Variants in C6orf132 observed in about 807,000 individuals in gnomAD.
C6orf132 encodes chromosome 6 open reading frame 132, also known as uncharacterized protein C6orf132.
Under a neutral mutation model 65.3 loss-of-function variants are expected in C6orf132, and 43 were observed. That is an observed-to-expected ratio of 0.66 (90% CI 0.52 to 0.85). The LOEUF is 0.85. C6orf132 is among the 40% of genes least tolerant of loss of function. The pLI is 0.00. For synonymous variants in C6orf132, 631 were observed against 654.1 expected, an observed-to-expected ratio of 0.96 and a Z score of 0.54; for missense variants, 1,488 against 1,548.8, an observed-to-expected ratio of 0.96 and a Z score of 0.66.
In C6orf132 at chr6:42,105,159, G is replaced by A. The variant is rs1766373414; in HGVS notation, c.2753C>T (p.Pro918Leu). 5 of 1,536,938 alleles carry A rather than the reference G, an allele frequency of 3.3e-6. No individual in the cohort carries two copies. The highest frequency in any genetic ancestry group is 2.0e-5 in the Admixed American group (1 of 50,968). The change falls in exon 4 of 5, where the codon CCG (proline) becomes CTG (leucine). Residue 918 changes from proline to leucine, a missense_variant. Transcript: ENST00000341865. ...LTTEIPNKWG[P>L]RLGRDAEGTE... ...GCCCTCTGCGTCTCTTCCCAGCCGC[G>A]GCCCCCACTTATTGGGTATTTCGGT... is the stretch of plus-strand genomic sequence containing the variant.
At chr6:42,126,047 T>C (rs1376628368) in intron 2 of C6orf132, among the ~76,000 whole-genome samples, 1 of 152,228 alleles carries the variant, frequency 6.6e-6, no homozygotes, top group Non-Finnish European at 1.5e-5. Context: ...CAACATCCGT[T>C]TCTACTGTGT....
In C6orf132 at chr6:42,105,158, C is replaced by T. The variant is rs1055987854; in HGVS notation, c.2754G>A (p.Pro918=). Residue 918 remains proline, a synonymous_variant, in exon 4 of 5, where the codon CCG becomes CCA. Transcript: ENST00000341865. Reference sequence around the variant, plus strand: ...TGCCCTCTGCGTCTCTTCCCAGCCGCGGCCCCCACTTATTGGGTATTTCGG... The same window carrying T: ...TGCCCTCTGCGTCTCTTCCCAGCCGTGGCCCCCACTTATTGGGTATTTCGG... ...LTTEIPNKWG[P]RLGRDAEGTE... is the part of the protein sequence containing the mutation. 15 of 1,537,092 alleles carry T rather than the reference C, an allele frequency of 9.8e-6. No individual in the cohort carries two copies. Among genetic ancestry groups the T allele is most frequent in the Middle Eastern group, 3.3e-4 (2 of 5,990 alleles).
At chr6:42,134,855 G>A (rs1288368551) in intron 1 of C6orf132, among the ~76,000 whole-genome samples, 1 of 151,762 alleles carries the variant, frequency 6.6e-6, no homozygotes, top group African/African-American at 2.4e-5. Context: ...AGCCAGGCGT[G>A]GTGGTGGGCG....
chr6:42,104,677 G>A lies in C6orf132; in HGVS notation c.3235C>T (p.His1079Tyr), dbSNP rs1582266823. The stretch of plus-strand genomic sequence containing the variant: ...CTCAGGCTGCGGCCGGTGCCACCGT[G>A]GGGTAGCCCTGGGCCTCGGTGCGGC... ...GEPHRGPGLP[H>Y]GGTGRSLSSP... The change falls in exon 4 of 5, where the codon CAC becomes TAC. Residue 1079 changes from histidine (H) to tyrosine (Y), a missense_variant. Physicochemically the swap from His to Tyr is moderately conservative, Grantham distance 83. Coordinates refer to ENST00000341865, the MANE Select transcript of C6orf132 (RefSeq NM_001164446.3). The surrounding 1 kb of genome is among the most constrained non-coding windows in gnomAD (Gnocchi z 4.1). 3.3e-6 allele frequency: 5 copies of A among 1,505,876 alleles called. No individual in the cohort carries two copies. In the African/African-American group the frequency reaches 5.7e-5, roughly 17 times the overall value. 93.3% of individuals were successfully genotyped at this position (1,505,876 alleles called of 1,614,324 possible). A position where few individuals can be genotyped will look rare whatever the true frequency, so the allele number is the denominator to read the frequency against.
chr6:42,128,857 C>G (rs1439942818), intron 1 of C6orf132, 79 bp from the exon 2 acceptor site: 5 of 1,055,058 alleles, frequency 4.7e-6, no homozygotes, highest in African/African-American at 4.7e-5. Context: ...TGCCCTTCAG[C>G]TCCCAGTGAG....
intron 1 of C6orf132, among the ~76,000 whole-genome samples, chr6:42,140,585 C>A (rs1295760576): frequency 2.6e-5 from 4 of 152,166 alleles, no homozygotes; most frequent in African/African-American, 7.2e-5. Context: ...GTTCTAAAAC[C>A]AGATGGTGGT....
Position 42,105,170 on chromosome 6 carries a change from A to C in C6orf132, c.2742T>G (p.Asn914Lys). The C allele has an allele frequency of 6.5e-7, 1 of 1,536,814 alleles. No homozygotes were observed. The highest frequency in any genetic ancestry group is 8.7e-7 in the Non-Finnish European group (1 of 1,146,796). The change falls in exon 4 of 5, where the codon AAT becomes AAG. Residue 914 changes from asparagine (N) to lysine (K), a missense_variant. By Grantham distance (94) the Asn-to-Lys change is moderately conservative (BLOSUM62 0). Transcript: ENST00000341865. ...CTCTTCCCAGCCGCGGCCCCCACTT[A>C]TTGGGTATTTCGGTCGTCAGCGGGG... Reference protein sequence around the residue: ...KDSPLTTEIPNKWGPRLGRDA... With the variant: ...KDSPLTTEIPKKWGPRLGRDA...
intron 1 of C6orf132, among the ~76,000 whole-genome samples, chr6:42,138,380 C>T (rs1441674987): frequency 6.6e-6 from 1 of 152,200 alleles, no homozygotes; most frequent in Non-Finnish European, 1.5e-5. Context: ...CAACCTCTGC[C>T]TCCTGAACTC....
intron 1 of C6orf132, among the ~76,000 whole-genome samples, chr6:42,140,710 C>A (rs917372789): frequency 6.6e-6 from 1 of 152,220 alleles, no homozygotes; most frequent in Non-Finnish European, 1.5e-5. Flanking sequence ...TACTTAACCT[C>A]CCTGTGCCTC....
chr6:42,123,089 G>A (rs758824511), intron 2 of C6orf132, among the ~76,000 whole-genome samples: 28 of 152,142 alleles, frequency 1.8e-4, no homozygotes, highest in Non-Finnish European at 2.6e-4. Context: ...GCTCTCAGAC[G>A]CAGAGGGACA....
chr6:42,133,418 C>T (rs1766886382), intron 1 of C6orf132, among the ~76,000 whole-genome samples: 1 of 152,176 alleles, frequency 6.6e-6, no homozygotes, highest in Non-Finnish European at 1.5e-5. Context: ...TTATGCTTGC[C>T]ACATGCATGG....
At chr6:42,138,697 G>A (rs566193985) in intron 1 of C6orf132, among the ~76,000 whole-genome samples, 31 of 152,116 alleles carry the variant, frequency 2.0e-4, no homozygotes, top group Non-Finnish European at 3.7e-4. Flanking sequence ...TGCTGGTGGC[G>A]GGTGCAGCGG....
rs138322733 is a variant in C6orf132, at chr6:42,128,966, G to A, written c.146-188C>T. Among the ~76,000 whole-genome samples, 69 of 152,366 alleles carry A rather than the reference G, an allele frequency of 4.5e-4. 1 individual carries two copies. In the East Asian group the frequency reaches 0.013, roughly 28 times the overall value. ...GAGATGTGCACTAATGGGGCCAGCTGAGGTGGCGCTGGGTGAGGGACTCGG... is the reference window on the plus strand; with the variant it reads ...GAGATGTGCACTAATGGGGCCAGCTAAGGTGGCGCTGGGTGAGGGACTCGG... On this transcript the variant is annotated intron_variant, in intron 1 of 4. Coordinates refer to ENST00000341865, the MANE Select transcript of C6orf132 (RefSeq NM_001164446.3).
rs1766994653 is a variant in C6orf132, at chr6:42,139,030, G to C, written c.145+3270C>G. On this transcript the variant is annotated intron_variant, in intron 1 of 4. Transcript: ENST00000341865. Reference sequence around the variant, plus strand: ...TGCTCATCACCACTCTCACATGACTGTTTGCATTTACCCGCTGTACCCAGC... The same window carrying C: ...TGCTCATCACCACTCTCACATGACTCTTTGCATTTACCCGCTGTACCCAGC... Among the ~76,000 whole-genome samples, 4 of 152,152 alleles carry C rather than the reference G, an allele frequency of 2.6e-5. No individual in the cohort carries two copies. The South Asian group carries it at 6.2e-4, about 24-fold the overall frequency.
Position 42,128,739 on chromosome 6 carries a change from C to A in C6orf132, c.185G>T (p.Ser62Ile), listed in dbSNP as rs1766808580. ...TTTCAGCGTGGCTGTTCCTGACTCG[C>A]TCACTGTGTTAAACCGATTGTCTCC... ...YYGDNRFNTV[S>I]ESGTATLKAR... The change falls in exon 2 of 5, where the codon AGC becomes ATC. Residue 62 changes from serine to isoleucine, a missense_variant. Physicochemically the swap from Ser to Ile is moderately radical, Grantham distance 142. Coordinates refer to ENST00000341865, the MANE Select transcript of C6orf132 (RefSeq NM_001164446.3). 2 of 1,551,520 alleles carry A rather than the reference C, an allele frequency of 1.3e-6. No homozygotes were observed. The highest frequency in any genetic ancestry group is 2.7e-5 in the African/African-American group (2 of 73,050).
At chr6:42,112,625 G>C (rs1766512195) in intron 2 of C6orf132, among the ~76,000 whole-genome samples, 1 of 152,204 alleles carries the variant, frequency 6.6e-6, no homozygotes, top group South Asian at 2.1e-4. Flanking sequence ...CTGCTACCCA[G>C]AGCAACCCAC....
At chr6:42,103,996 C>T in intron 4 of C6orf132, 118 bp from the exon 5 acceptor site, 1 of 723,374 alleles carries the variant, frequency 1.4e-6, no homozygotes, top group South Asian at 3.2e-5. Context: ...TTTGCCCCGA[C>T]AAGCCCTGGG....
intron 2 of C6orf132, among the ~76,000 whole-genome samples, chr6:42,117,565 G>T (rs761803551): frequency 5.9e-5 from 9 of 152,056 alleles, no homozygotes; most frequent in African/African-American, 2.2e-4. Context: ...GACACAGACC[G>T]GGCAGTTAAA....
chr6:42,119,270 A>G (rs1449663353), intron 2 of C6orf132, among the ~76,000 whole-genome samples: 1 of 139,652 alleles, frequency 7.2e-6, no homozygotes, highest in Non-Finnish European at 1.6e-5. Context: ...AAAAAAAAAA[A>G]AAAAAGGGAG....
Sources: allele counts gnomAD v4.1 joint callset (sites outside exome capture counted in the v4.1 genomes callset), GRCh38; gene constraint gnomAD v4.1.1; non-coding constraint Gnocchi (gnomAD v3.1); transcripts MANE v1.5; gene names NCBI Gene and HGNC (gene_info 2026-07-23, HGNC 2026-07-21).